MDGA2: variants seen among roughly 807,000 people sequenced by gnomAD.
MDGA2 encodes MAM domain-containing glycosylphosphatidylinositol anchor protein 2.
MDGA2 carries 40 observed loss-of-function variants against 117.8 expected under a neutral mutation model. That is an observed-to-expected ratio of 0.34 (90% CI 0.26 to 0.44). The LOEUF (loss-of-function observed/expected upper bound fraction) is 0.44. Ranked by LOEUF, MDGA2 falls within the 20% of genes least tolerant of loss-of-function variation. MDGA2 has a pLI of 1.00. For synonymous variants in MDGA2, 452 were observed against 439.0 expected (o/e 1.03, Z -0.37); for missense variants, 1,123 against 1,250.6 (o/e 0.90, Z 1.54).
At chr14:46,976,934 G>C (rs1487570564) in intron 8 of MDGA2, among the ~76,000 whole-genome samples, 1 of 151,794 alleles carries the variant, frequency 6.6e-6, no homozygotes, top group East Asian at 1.9e-4. Flanking sequence ...TCATGCCTTG[G>C]AATGTAAACA....
At chr14:47,082,165 G>A (rs1300242698) in intron 6 of MDGA2, among the ~76,000 whole-genome samples, 1 of 151,940 alleles carries the variant, frequency 6.6e-6, no homozygotes, top group African/African-American at 2.4e-5. Flanking sequence ...TCAGTTCAAA[G>A]TACACTGAAT....
intron 1 of MDGA2, among the ~76,000 whole-genome samples, chr14:47,434,952 A>G (rs1425747412): frequency 1.3e-5 from 2 of 152,052 alleles, no homozygotes; most frequent in Admixed American, 1.3e-4. Context: ...CCTGACCAAC[A>G]TGGGGAAAAC....
intron 9 of MDGA2, among the ~76,000 whole-genome samples, chr14:46,940,500 C>T (rs903360236): frequency 1.3e-5 from 2 of 151,724 alleles, no homozygotes; most frequent in East Asian, 3.9e-4. Flanking sequence ...TGATGGCGGG[C>T]GCCTGTAATC....
At chr14:46,980,023 C>T (rs1340102905) in intron 8 of MDGA2, among the ~76,000 whole-genome samples, 1 of 152,132 alleles carries the variant, frequency 6.6e-6, no homozygotes, top group East Asian at 1.9e-4. Context: ...ATTGATTATA[C>T]TGTTAGGGGC....
At chr14:47,027,320 A>C (rs1566581131) in intron 8 of MDGA2, among the ~76,000 whole-genome samples, 1 of 152,164 alleles carries the variant, frequency 6.6e-6, no homozygotes, top group Non-Finnish European at 1.5e-5. Flanking sequence ...GGGTGGACAG[A>C]AGTACCTAGC....
chr14:47,295,184 A>C (rs1889022120), intron 2 of MDGA2, among the ~76,000 whole-genome samples: 2 of 152,328 alleles, frequency 1.3e-5, no homozygotes. Context: ...AGCATATAAA[A>C]AGAAGAAAAG....
intron 3 of MDGA2, chr14:47,200,507 T>G: frequency 5.1e-6 from 3 of 590,676 alleles, no homozygotes; most frequent in Non-Finnish European, 8.2e-6. Flanking sequence ...CTTTTTCTAT[T>G]TTTCTTTTCT....
intron 1 of MDGA2, among the ~76,000 whole-genome samples, chr14:47,311,787 T>C (rs1594788382): frequency 6.6e-6 from 1 of 152,144 alleles, no homozygotes; most frequent in Non-Finnish European, 1.5e-5. Context: ...GGTTTGTGAA[T>C]TGCCAAAGCT....
At chr14:47,393,397 T>C (rs992344931) in intron 1 of MDGA2, among the ~76,000 whole-genome samples, 260 of 39,122 alleles carry the variant, frequency 6.6e-3, no homozygotes, top group African/African-American at 0.02. Flanking sequence ...GTTTTTAAAT[T>C]GCAATTATTA....
chr14:47,337,661 G>T (rs1594804360), intron 1 of MDGA2, among the ~76,000 whole-genome samples: 1 of 152,020 alleles, frequency 6.6e-6, no homozygotes, highest in Non-Finnish European at 1.5e-5. Flanking sequence ...ATTTGATAAA[G>T]GAGGAGAAAG....
chr14:47,080,172 A>G (rs2138885238), intron 6 of MDGA2, among the ~76,000 whole-genome samples: 1 of 152,304 alleles, frequency 6.6e-6, no homozygotes, highest in South Asian at 2.1e-4. Context: ...CATTAGTGGG[A>G]TATAGTCCTG....
intron 1 of MDGA2, among the ~76,000 whole-genome samples, chr14:47,495,624 T>G (rs547834718): frequency 7.2e-5 from 11 of 152,312 alleles, no homozygotes; most frequent in African/African-American, 2.4e-4. Context: ...TAGCCTCAAT[T>G]TTCTATCTGC....
intron 4 of MDGA2, among the ~76,000 whole-genome samples, chr14:47,138,934 T>G (rs975640450): frequency 6.6e-6 from 1 of 152,014 alleles, no homozygotes; most frequent in Non-Finnish European, 1.5e-5. Flanking sequence ...CAGACCAATT[T>G]TTTTCTGGAA....
chr14:46,888,403 CT>C (rs1185495266), intron 10 of MDGA2, among the ~76,000 whole-genome samples: 3 of 151,880 alleles, frequency 2.0e-5, no homozygotes, highest in Non-Finnish European at 4.4e-5. Context: ...AAACCATTTT[CT>C]TCATGTCAAT....
chr14:47,636,691 A>C (rs1199812148), intron 1 of MDGA2, among the ~76,000 whole-genome samples: 1 of 143,800 alleles, frequency 7.0e-6, no homozygotes, highest in Non-Finnish European at 1.5e-5. Flanking sequence ...AGGCTGAGGC[A>C]GGAGAATGGC....
chr14:46,929,594 TGTGTGTG>T (rs1884460836), intron 9 of MDGA2, among the ~76,000 whole-genome samples: 1 of 44,958 alleles, frequency 2.2e-5, no homozygotes, highest in Non-Finnish European at 3.9e-5. Flanking sequence ...TGTGTGTGTG[TGTGTGTG>T]TATATATATA....
chr14:47,365,824 T>A (rs1250565502), intron 1 of MDGA2, among the ~76,000 whole-genome samples: 1 of 152,238 alleles, frequency 6.6e-6, no homozygotes, highest in African/African-American at 2.4e-5. Context: ...TTTACAAATA[T>A]TTATAGCTAT....
chr14:46,965,829 T>C (rs1180529287), intron 8 of MDGA2, among the ~76,000 whole-genome samples: 1 of 152,196 alleles, frequency 6.6e-6, no homozygotes, highest in Admixed American at 6.6e-5. Context: ...GCATAAAATT[T>C]ATTCAGAATG....
At chr14:47,443,836 G>A (rs537871764) in intron 1 of MDGA2, among the ~76,000 whole-genome samples, 10 of 152,108 alleles carry the variant, frequency 6.6e-5, no homozygotes, top group South Asian at 4.2e-4. Flanking sequence ...TAAGAGAGAG[G>A]GTCCAAGGCC....
Sources: gnomAD v4.1 joint callset for allele counts (sites outside exome capture counted in the v4.1 genomes callset) on GRCh38, gnomAD v4.1.1 for gene constraint, MANE v1.5 for transcripts, NCBI Gene and HGNC (gene_info 2026-07-23, HGNC 2026-07-21) for gene names.